SPRY3: variants seen among roughly 807,000 people sequenced by gnomAD.
SPRY3 encodes the protein sprouty RTK signaling antagonist 3.
In SPRY3, 15 loss-of-function variants were observed where a neutral mutation model predicts 20.2. The observed-to-expected ratio is 0.74, with a 90% CI of 0.50 to 1.14. The LOEUF (loss-of-function observed/expected upper bound fraction) is 1.14, where lower values mean the gene tolerates loss of function less well. SPRY3 is among the 50% of genes most tolerant of loss of function. The pLI is 0.00. For missense variants in SPRY3, 364 were observed against 363.9 expected (o/e 1.00, Z 0.00); for synonymous variants, 143 against 136.5 (o/e 1.05, Z -0.33).
chrX:155,654,686 GGTGTGTGTGTGTGT>G (rs3067500), intron 1 of SPRY3, among the ~76,000 whole-genome samples: 74 of 85,958 alleles, frequency 8.6e-4, no homozygotes, highest in Admixed American at 3.9e-3. Context: ...AGTATTCCAT[GGTGTGTGTGTGTGT>G]GTGTGTGTGT....
intron 2 of SPRY3, among the ~76,000 whole-genome samples, chrX:155,757,410 A>G (rs995264554): frequency 2.7e-4 from 41 of 152,074 alleles, no homozygotes; most frequent in Non-Finnish European, 5.4e-4. Flanking sequence ...ACTTTCCATA[A>G]CCATCATATA....
At chrX:155,670,672 C>G (rs1243081707) in intron 2 of SPRY3, among the ~76,000 whole-genome samples, 1 of 110,665 alleles carries the variant, frequency 9.0e-6, no homozygotes, top group African/African-American at 3.3e-5. Flanking sequence ...TTTGTCTGAC[C>G]TCTGCTTTAT....
At chrX:155,771,223 C>G (rs1190346180) in intron 3 of SPRY3, among the ~76,000 whole-genome samples, 6 of 152,096 alleles carry the variant, frequency 3.9e-5, no homozygotes, top group South Asian at 4.2e-4. Context: ...ACACCATGTA[C>G]CCTTCTGCTC....
intron 2 of SPRY3, chrX:155,767,687 C>G (rs866782653): frequency 1.4e-5 from 1 of 70,010 alleles, no homozygotes; most frequent in Non-Finnish European, 3.0e-5. Context: ...GAGAAAGAGG[C>G]GGAGGAGGAG....
intron 2 of SPRY3, among the ~76,000 whole-genome samples, chrX:155,734,770 G>T (rs1203467819): frequency 6.6e-6 from 1 of 151,796 alleles, no homozygotes; most frequent in Admixed American, 6.6e-5. Flanking sequence ...CTGGCTAGAG[G>T]TTTACTAATT....
intron 2 of SPRY3, among the ~76,000 whole-genome samples, chrX:155,723,120 T>C (rs898929500): frequency 6.6e-5 from 10 of 152,196 alleles, no homozygotes; most frequent in Admixed American, 3.9e-4. Flanking sequence ...ACTCATCCTT[T>C]TTTATGGCTG....
At chrX:155,757,708 A>G (rs1188456769) in intron 2 of SPRY3, among the ~76,000 whole-genome samples, 1 of 152,098 alleles carries the variant, frequency 6.6e-6, no homozygotes, top group African/African-American at 2.4e-5. Flanking sequence ...TGAACAAAAA[A>G]TCTCTGGAGG....
intron 2 of SPRY3, among the ~76,000 whole-genome samples, chrX:155,672,150 G>T (rs1557354818): frequency 9.0e-6 from 1 of 111,370 alleles, no homozygotes; most frequent in Non-Finnish European, 1.9e-5. Flanking sequence ...GGTTCCATAT[G>T]AACTTTAAAG....
chrX:155,757,878 T>C (rs756435983), intron 2 of SPRY3, among the ~76,000 whole-genome samples: 2 of 152,302 alleles, frequency 1.3e-5, no homozygotes, highest in African/African-American at 4.8e-5. Flanking sequence ...CAGCAGTGGA[T>C]TGGATAAACA....
chrX:155,675,082 A>G (rs1440054244), intron 2 of SPRY3, among the ~76,000 whole-genome samples: 2 of 111,722 alleles, frequency 1.8e-5, no homozygotes, highest in Non-Finnish European at 3.8e-5. Context: ...GAAAAATATA[A>G]TATGTTTCAA....
chrX:155,750,988 A>G (rs2091259610), intron 2 of SPRY3, among the ~76,000 whole-genome samples: 2 of 151,894 alleles, frequency 1.3e-5, no homozygotes, highest in African/African-American at 4.8e-5. Flanking sequence ...TGTAATTGTA[A>G]TGATGAACCA....
At chrX:155,780,910 A>G (rs2091459225), downstream of SPRY3, 3 of 167,004 alleles carry the variant, frequency 1.8e-5, no homozygotes, top group South Asian at 6.2e-4. Context: ...AAAGCTCTAT[A>G]ATCAGTGTGT....
intron 2 of SPRY3, among the ~76,000 whole-genome samples, chrX:155,721,282 G>A (rs2091055483): frequency 6.6e-6 from 1 of 151,950 alleles, no homozygotes; most frequent in South Asian, 2.1e-4. Flanking sequence ...TAAAAACAAT[G>A]AAGCATACTT....
chrX:155,742,123 T>C (rs1412417719), intron 2 of SPRY3, among the ~76,000 whole-genome samples: 3 of 152,076 alleles, frequency 2.0e-5, no homozygotes, highest in Non-Finnish European at 4.4e-5. Flanking sequence ...AAGACACATG[T>C]AGGCACGAAA....
intron 1 of SPRY3, among the ~76,000 whole-genome samples, chrX:155,620,557 C>A (rs1313927209): frequency 8.9e-6 from 1 of 111,790 alleles, no homozygotes; most frequent in Non-Finnish European, 1.9e-5. Flanking sequence ...ACATTATACT[C>A]AGCTAAAGAA....
In SPRY3 at chrX:155,691,765, A is replaced by G. The variant is rs1330718051; in HGVS notation, c.-282+34740A>G. ...AACTGGGATATCCATCGCCTCAACC[A>G]TTTATTATTTCTTCATCTTAGGAAC... On this transcript the variant is annotated intron_variant, in intron 2 of 3. Coordinates refer to ENST00000675360, the Ensembl canonical transcript of SPRY3. Among the ~76,000 whole-genome samples, 2 of 87,593 alleles carry G rather than the reference A, an allele frequency of 2.3e-5. 1 individual carries two copies. Among genetic ancestry groups the G allele is most frequent in the Non-Finnish European group, 4.3e-5 (2 of 46,792 alleles). 76.1% of individuals were successfully genotyped at this position (87,593 alleles called of 115,157 possible).
At chrX:155,760,521 C>T (rs5940571) in intron 2 of SPRY3, among the ~76,000 whole-genome samples, 2,084 of 152,032 alleles carry the variant, frequency 0.014, 22 homozygotes, top group Middle Eastern at 0.031. Context: ...ACTGTAACAG[C>T]GACAAAGTTT....
At chrX:155,661,899 A>T (rs1378261917) in intron 2 of SPRY3, among the ~76,000 whole-genome samples, 7 of 111,734 alleles carry the variant, frequency 6.3e-5, no homozygotes, top group Admixed American at 2.8e-4. Context: ...ATGGGTTTTT[A>T]AAAAAATTTT....
intron 2 of SPRY3, among the ~76,000 whole-genome samples, chrX:155,767,271 C>G (rs2091338116): frequency 1.3e-5 from 2 of 151,782 alleles, no homozygotes. Context: ...CAATAAATCC[C>G]TTCTTTCCCA....
Sources: allele counts gnomAD v4.1 joint callset (sites outside exome capture counted in the v4.1 genomes callset), GRCh38; gene constraint gnomAD v4.1.1; transcripts MANE v1.5; gene names NCBI Gene and HGNC (gene_info 2026-07-23, HGNC 2026-07-21).